Variants in FGF7 observed in about 807,000 individuals in gnomAD.
The protein encoded by FGF7 is fibroblast growth factor 7.
Under a neutral mutation model 20.5 loss-of-function variants are expected in FGF7, and 6 were observed. The observed-to-expected ratio is 0.29, with a 90% CI of 0.16 to 0.58. The LOEUF is 0.58. Among genes scored for constraint, FGF7 ranks in the 20% least tolerant of loss-of-function variants. The pLI is 0.90. For missense variants in FGF7, 144 were observed against 228.8 expected, an observed-to-expected ratio of 0.63 and a Z score of 2.39; for synonymous variants, 64 against 74.7, an observed-to-expected ratio of 0.86 and a Z score of 0.74.
chr15:49,434,556 A>G (rs1311258449), intron 2 of FGF7: 2 of 151,610 alleles, frequency 1.3e-5, no homozygotes, highest in African/African-American at 4.8e-5. Context: ...CCTCAGAGGA[A>G]ATGCTTTTTG....
At chr15:49,427,743 C>G (rs1404542066) in intron 2 of FGF7, among the ~76,000 whole-genome samples, 1 of 151,776 alleles carries the variant, frequency 6.6e-6, no homozygotes, top group East Asian at 1.9e-4. Context: ...TTTTAAGATA[C>G]TAGTAAATAT....
chr15:49,440,867 T>G (rs2051572535), intron 2 of FGF7, among the ~76,000 whole-genome samples: 1 of 151,764 alleles, frequency 6.6e-6, no homozygotes, highest in African/African-American at 2.4e-5. Context: ...GAGGTATTAT[T>G]AAACATTCTA....
intron 2 of FGF7, among the ~76,000 whole-genome samples, chr15:49,432,342 TA>T (rs2050690823): frequency 6.6e-6 from 1 of 151,684 alleles, no homozygotes; most frequent in African/African-American, 2.4e-5. Flanking sequence ...ACAGCTTCTC[TA>T]ACTAACCTGC....
intron 2 of FGF7, among the ~76,000 whole-genome samples, chr15:49,431,653 T>A (rs1028632575): frequency 1.3e-5 from 2 of 151,692 alleles, no homozygotes; most frequent in Non-Finnish European, 2.9e-5. Flanking sequence ...ATAGAGTCAT[T>A]AGCTAGTGTC....
At chr15:49,470,548 C>T (rs1345220047) in intron 2 of FGF7, among the ~76,000 whole-genome samples, 1 of 152,162 alleles carries the variant, frequency 6.6e-6, no homozygotes, top group African/African-American at 2.4e-5. Context: ...GTAAAAATAG[C>T]ATCCCCTTAA....
At chr15:49,434,219 G>C (rs1567267966) in intron 2 of FGF7, among the ~76,000 whole-genome samples, 1 of 151,590 alleles carries the variant, frequency 6.6e-6, no homozygotes, top group African/African-American at 2.4e-5. Flanking sequence ...TCACTTGTAG[G>C]TGTTACATAG....
At chr15:49,476,230 TGG>T (rs779651684) in intron 2 of FGF7, among the ~76,000 whole-genome samples, 10,107 of 119,108 alleles carry the variant, frequency 0.085, 1,175 homozygotes, top group Non-Finnish European at 0.13. Flanking sequence ...TTTTTGTTTT[TGG>T]TTTTTTTTTT....
chr15:49,465,514 T>A (rs376969309), intron 2 of FGF7, among the ~76,000 whole-genome samples: 1 of 152,124 alleles, frequency 6.6e-6, no homozygotes. Context: ...AGAAAACATA[T>A]GTAAGTTGTT....
At chr15:49,434,050 G>A (rs534253672) in intron 2 of FGF7, among the ~76,000 whole-genome samples, 1 of 151,658 alleles carries the variant, frequency 6.6e-6, no homozygotes, top group African/African-American at 2.4e-5. Flanking sequence ...GAGAGAACTG[G>A]GGAGAAGTCA....
chr15:49,431,249 C>T (rs2050590865), intron 2 of FGF7, among the ~76,000 whole-genome samples: 2 of 151,770 alleles, frequency 1.3e-5, no homozygotes, highest in African/African-American at 4.8e-5. Flanking sequence ...CTGCCTTCCA[C>T]ATGATTTGGA....
chr15:49,429,777 C>T (rs1459912043), intron 2 of FGF7, among the ~76,000 whole-genome samples: 1 of 151,922 alleles, frequency 6.6e-6, no homozygotes, highest in East Asian at 1.9e-4. Context: ...TTCTGACATG[C>T]TGCCAGGGAT....
In FGF7 at chr15:49,424,489, A is replaced by G. The variant is rs745689304; in HGVS notation, c.192A>G (p.Ile64Met). Reference protein sequence around the residue: ...RSYDYMEGGDIRVRRLFCRTQ... With the variant: ...RSYDYMEGGDMRVRRLFCRTQ... ...ATGATTACATGGAAGGAGGGGATAT[A>G]AGAGTGAGAAGACTCTTCTGTCGAA... The change falls in exon 2 of 4, where the codon ATA (isoleucine) becomes ATG (methionine). Residue 64 changes from isoleucine (I) to methionine (M), a missense_variant. Physicochemically the swap from Ile to Met is conservative, Grantham distance 10. Coordinates refer to ENST00000267843, the MANE Select transcript of FGF7 (RefSeq NM_002009.4). 1 of 1,613,554 alleles carries G rather than the reference A, an allele frequency of 6.2e-7. No individual in the cohort carries two copies. The highest frequency in any genetic ancestry group is 8.5e-7 in the Non-Finnish European group (1 of 1,179,632).
At chr15:49,458,492 A>G (rs548678884) in intron 2 of FGF7, among the ~76,000 whole-genome samples, 26 of 152,120 alleles carry the variant, frequency 1.7e-4, no homozygotes, top group African/African-American at 5.8e-4. Flanking sequence ...CTCTTTACCA[A>G]TTTAAGATTC....
chr15:49,455,028 T>C (rs1463189358), intron 2 of FGF7, among the ~76,000 whole-genome samples: 1 of 152,178 alleles, frequency 6.6e-6, no homozygotes, highest in Non-Finnish European at 1.5e-5. Context: ...AACAGCAGTA[T>C]GATTTAAAGT....
intron 2 of FGF7, among the ~76,000 whole-genome samples, chr15:49,473,844 C>T (rs1337576236): frequency 6.6e-6 from 1 of 152,048 alleles, no homozygotes; most frequent in African/African-American, 2.4e-5. Context: ...TAATTCTACA[C>T]ATGCTGTATG....
At chr15:49,471,904 G>C (rs16962544) in intron 2 of FGF7, among the ~76,000 whole-genome samples, 1 of 151,988 alleles carries the variant, frequency 6.6e-6, no homozygotes, top group East Asian at 1.9e-4. Context: ...TGACAGCACC[G>C]GAAGAAACTT....
At chr15:49,473,132 A>C (rs926811531) in intron 2 of FGF7, among the ~76,000 whole-genome samples, 8 of 152,092 alleles carry the variant, frequency 5.3e-5, no homozygotes, top group Non-Finnish European at 1.2e-4. Flanking sequence ...TATTTTTTCA[A>C]TTTAGAAAAG....
chr15:49,448,647 AT>A (rs1405921935), intron 2 of FGF7, among the ~76,000 whole-genome samples: 1 of 151,324 alleles, frequency 6.6e-6, no homozygotes, highest in Non-Finnish European at 1.5e-5. Context: ...AGCATATACT[AT>A]TTTTTGATGA....
Position 49,452,849 on chromosome 15 carries a change from A to G in FGF7, c.286+28266A>G, listed in dbSNP as rs1192003852. Among the ~76,000 whole-genome samples, 3 of 152,184 alleles carry G rather than the reference A, an allele frequency of 2.0e-5. No homozygotes were observed. In the East Asian group the frequency reaches 5.8e-4, roughly 29 times the overall value. ...GCACTCAGCAAACGTTAGCTGTTAT[A>G]TGCCTTGCTTACTATGGTATAAACA... On this transcript the variant is annotated intron_variant, in intron 2 of 3. Transcript: ENST00000267843.
Sources: gnomAD v4.1 joint callset for allele counts (sites outside exome capture counted in the v4.1 genomes callset) on GRCh38, gnomAD v4.1.1 for gene constraint, MANE v1.5 for transcripts, NCBI Gene and HGNC (gene_info 2026-07-23, HGNC 2026-07-21) for gene names.